The following FCHSD2 variants were observed in gnomAD, a reference collection of about 807,000 sequenced individuals.
FCHSD2 encodes the protein FCH and double SH3 domains 2, also known as F-BAR and double SH3 domains protein 2.
In FCHSD2, 38 loss-of-function variants were observed where a neutral mutation model predicts 108.1. The ratio of observed to expected loss-of-function variants is 0.35; its 90% CI spans 0.27 to 0.46. The LOEUF (loss-of-function observed/expected upper bound fraction) is 0.46. FCHSD2 is among the 20% of genes least tolerant of loss of function. The probability of loss-of-function intolerance (pLI) is 1.00; values close to 1 mark genes in which losing one functional copy is unlikely to be tolerated. For missense variants in FCHSD2, 751 were observed against 897.8 expected, an observed-to-expected ratio of 0.84 and a Z score of 2.09; for synonymous variants, 279 against 314.7, an observed-to-expected ratio of 0.89 and a Z score of 1.20.
At chr11:72,910,182 C>T (rs1049384967) in intron 9 of FCHSD2, among the ~76,000 whole-genome samples, 4 of 151,154 alleles carry the variant, frequency 2.6e-5, no homozygotes, top group East Asian at 2.0e-4. Context: ...TCTGCCTGGC[C>T]GCCCAGTCTG....
At chr11:72,937,328 T>C (rs986026308) in intron 8 of FCHSD2, among the ~76,000 whole-genome samples, 1 of 152,252 alleles carries the variant, frequency 6.6e-6, no homozygotes, top group African/African-American at 2.4e-5. Context: ...ATATTCATCT[T>C]TTGGCCATGT....
At chr11:73,071,888 C>A (rs747983595) in intron 3 of FCHSD2, among the ~76,000 whole-genome samples, 1 of 151,942 alleles carries the variant, frequency 6.6e-6, no homozygotes, top group African/African-American at 2.4e-5. Context: ...TAGAACAGTG[C>A]CTGACACATG....
chr11:73,122,117 T>C (rs1296484206), intron 2 of FCHSD2, among the ~76,000 whole-genome samples: 1 of 152,144 alleles, frequency 6.6e-6, no homozygotes, highest in Non-Finnish European at 1.5e-5. Flanking sequence ...ATAGTGGGGT[T>C]TTCTCCTTTA....
intron 3 of FCHSD2, among the ~76,000 whole-genome samples, chr11:73,062,907 G>T (rs2135489778): frequency 6.6e-6 from 1 of 152,208 alleles, no homozygotes; most frequent in East Asian, 1.9e-4. Context: ...AGCAAGACAG[G>T]CCAATATTCA....
rs1173996167 is a variant in FCHSD2, at chr11:72,837,947, C to T, written c.*844G>A. Reference sequence around the variant, plus strand: ...TCTAGACATTTGGATTCTAAGGATACTGGTAAGAAGAGTATATGCTGTAAA... The same window carrying T: ...TCTAGACATTTGGATTCTAAGGATATTGGTAAGAAGAGTATATGCTGTAAA... On this transcript the variant is annotated 3_prime_UTR_variant, in exon 20 of 20. Coordinates refer to ENST00000409418, the MANE Select transcript of FCHSD2 (RefSeq NM_014824.3). The T allele has an allele frequency of 1.3e-5, 2 of 152,138 alleles. No homozygotes were observed. The highest frequency in any genetic ancestry group is 1.3e-4 in the Admixed American group (2 of 15,264). 9.4% of individuals were successfully genotyped at this position (152,138 alleles called of 1,614,324 possible).
At chr11:73,092,611 C>T (rs2135523951) in intron 2 of FCHSD2, among the ~76,000 whole-genome samples, 1 of 152,216 alleles carries the variant, frequency 6.6e-6, no homozygotes, top group South Asian at 2.1e-4. Flanking sequence ...ATGACTGAAA[C>T]AATAGACAAA....
intron 8 of FCHSD2, among the ~76,000 whole-genome samples, chr11:72,935,324 G>A (rs1856279186): frequency 6.6e-6 from 1 of 152,132 alleles, no homozygotes. Flanking sequence ...TTTAGATCCA[G>A]GAGGGGCACA....
At chr11:72,913,951 A>G (rs117932352) in intron 9 of FCHSD2, among the ~76,000 whole-genome samples, 9,829 of 152,272 alleles carry the variant, frequency 0.065, 444 homozygotes, top group Non-Finnish European at 0.097. Context: ...ATGAAAAAAC[A>G]TACTATGCTC....
intron 12 of FCHSD2, among the ~76,000 whole-genome samples, chr11:72,871,345 T>G (rs1293139607): frequency 1.3e-5 from 2 of 152,324 alleles, no homozygotes; most frequent in East Asian, 3.9e-4. Context: ...ATATATCAAC[T>G]CTTGCTTTGT....
At chr11:72,864,607 A>G (rs569674491) in intron 13 of FCHSD2, among the ~76,000 whole-genome samples, 1 of 152,090 alleles carries the variant, frequency 6.6e-6, no homozygotes, top group Non-Finnish European at 1.5e-5. Flanking sequence ...TGTCAATTAA[A>G]AAATAAATAA....
At chr11:72,983,289 G>A (rs1229644101) in intron 8 of FCHSD2, among the ~76,000 whole-genome samples, 5 of 146,378 alleles carry the variant, frequency 3.4e-5, no homozygotes, top group Non-Finnish European at 6.0e-5. Flanking sequence ...GCGAGACTCC[G>A]TCTCAAAAAA....
intron 4 of FCHSD2, among the ~76,000 whole-genome samples, chr11:73,012,827 CA>C (rs1453146285): frequency 7.9e-5 from 12 of 152,160 alleles, no homozygotes; most frequent in African/African-American, 2.7e-4. Context: ...TGTCTCAGAA[CA>C]AATTTGACAA....
chr11:73,046,954 C>T (rs1368186477), intron 3 of FCHSD2, among the ~76,000 whole-genome samples: 1 of 151,934 alleles, frequency 6.6e-6, no homozygotes, highest in Non-Finnish European at 1.5e-5. Context: ...TAATTTATAT[C>T]CACAATACGA....
intron 2 of FCHSD2, among the ~76,000 whole-genome samples, chr11:73,130,961 G>T (rs545784873): frequency 3.9e-4 from 60 of 151,958 alleles, no homozygotes; most frequent in Non-Finnish European, 8.2e-4. Flanking sequence ...TCCCTCTCAA[G>T]ATTTACAACA....
At chr11:72,947,869 ATATTT>A (rs1856548159) in intron 8 of FCHSD2, among the ~76,000 whole-genome samples, 1 of 152,230 alleles carries the variant, frequency 6.6e-6, no homozygotes, top group Non-Finnish European at 1.5e-5. Context: ...ATTCAAGACT[ATATTT>A]TACATATTAT....
chr11:72,914,382 G>GA (rs1319265973), intron 9 of FCHSD2, among the ~76,000 whole-genome samples: 1 of 152,082 alleles, frequency 6.6e-6, no homozygotes, highest in African/African-American at 2.4e-5. Context: ...TGCAGAACTA[G>GA]AAAAAACTAT....
chr11:72,957,766 G>T (rs903959035), intron 8 of FCHSD2, among the ~76,000 whole-genome samples: 1 of 151,842 alleles, frequency 6.6e-6, no homozygotes, highest in Admixed American at 6.6e-5. Flanking sequence ...TTCACGATTT[G>T]CTCTCAAATG....
At chr11:73,087,688 G>C (rs1347290103) in intron 2 of FCHSD2, among the ~76,000 whole-genome samples, 1 of 150,662 alleles carries the variant, frequency 6.6e-6, no homozygotes, top group East Asian at 1.9e-4. Context: ...CTGGGCAACA[G>C]AGCGAGGCTT....
intron 13 of FCHSD2, among the ~76,000 whole-genome samples, chr11:72,866,214 ATAG>A (rs1404951812): frequency 6.6e-6 from 1 of 152,072 alleles, no homozygotes; most frequent in Non-Finnish European, 1.5e-5. Context: ...AGAAAGTGCA[ATAG>A]TAGGAGATAT....
Sources: gnomAD v4.1 joint callset for allele counts (sites outside exome capture counted in the v4.1 genomes callset) on GRCh38, gnomAD v4.1.1 for gene constraint, MANE v1.5 for transcripts, NCBI Gene and HGNC (gene_info 2026-07-23, HGNC 2026-07-21) for gene names.